Variants in CNNM2 observed in about 807,000 individuals in gnomAD.
The protein encoded by CNNM2 is cyclin and CBS domain divalent metal cation transport mediator 2.
CNNM2 carries 12 observed loss-of-function variants against 66.9 expected under a neutral mutation model. The observed-to-expected ratio is 0.18, with a 90% CI of 0.11 to 0.29. The LOEUF (loss-of-function observed/expected upper bound fraction) is 0.29. Ranked by LOEUF, CNNM2 falls within the 10% of genes least tolerant of loss-of-function variation. The pLI is 1.00. For missense variants in CNNM2, 705 were observed against 1,167.7 expected (o/e 0.60, Z 5.77); for synonymous variants, 557 against 501.8 (o/e 1.11, Z -1.47).
At chr10:103,048,020 C>A (rs1000052820) in intron 1 of CNNM2, among the ~76,000 whole-genome samples, 1 of 151,858 alleles carries the variant, frequency 6.6e-6, no homozygotes, top group African/African-American at 2.4e-5. Flanking sequence ...CTCCTGGGTT[C>A]AAGCCATTCT....
chr10:102,955,583 A>C (rs1051592769), intron 1 of CNNM2, among the ~76,000 whole-genome samples: 5 of 152,250 alleles, frequency 3.3e-5, no homozygotes, highest in African/African-American at 1.2e-4. Context: ...CAGAGTGAAC[A>C]GGCAACCTAC....
intron 1 of CNNM2, among the ~76,000 whole-genome samples, chr10:102,974,789 G>C (rs1193708810): frequency 6.6e-6 from 1 of 152,080 alleles, no homozygotes; most frequent in Non-Finnish European, 1.5e-5. Flanking sequence ...CTCCCGCCTT[G>C]GCCTCCCAAA....
In CNNM2 at chr10:102,918,592, C is replaced by G. The variant is rs1480720023; in HGVS notation, c.112C>G (p.Arg38Gly). 2 of 1,567,014 alleles carry G rather than the reference C, an allele frequency of 1.3e-6. No homozygotes were observed. Among genetic ancestry groups the G allele is most frequent in the African/African-American group, 1.4e-5 (1 of 72,008 alleles). Residue 38 changes from arginine to glycine, a missense_variant, in exon 1 of 8, where the codon CGG (arginine) becomes GGG (glycine). By Grantham distance (125) the Arg-to-Gly change is moderately radical. This residue lies in a region of CNNM2 where 98 missense variants were observed against 73.6 expected (regional missense o/e 1.33). Transcript: ENST00000369878. This position sits in a 1 kb window ranked among gnomAD's most constrained non-coding sequence, Gnocchi z 4.1. ...AARRSLSARG[R>G]GILQAAAGRL... ...GCGCCGCAGCCTCAGCGCTCGCGGC[C>G]GGGGGATCCTGCAGGCGGCTGCGGG...
intron 1 of CNNM2, among the ~76,000 whole-genome samples, chr10:102,944,116 C>T (rs1046557063): frequency 1.5e-5 from 2 of 136,920 alleles, no homozygotes; most frequent in Non-Finnish European, 3.1e-5. Flanking sequence ...TGGAGTCTTG[C>T]TTTGTCGCCC....
chr10:102,974,984 C>T (rs1006936084), intron 1 of CNNM2, among the ~76,000 whole-genome samples: 2 of 151,998 alleles, frequency 1.3e-5, no homozygotes, highest in African/African-American at 4.8e-5. Flanking sequence ...CATGGGAAGC[C>T]CATAATTAGC....
chr10:102,930,162 A>G (rs1846017734), intron 1 of CNNM2, among the ~76,000 whole-genome samples: 2 of 152,180 alleles, frequency 1.3e-5, no homozygotes, highest in Admixed American at 1.3e-4. Flanking sequence ...TGGAGGAGAA[A>G]GAGTTAAGAA....
rs573469494 is a variant in CNNM2 at position 102,981,566 on chromosome 10, T to C, written c.1621+61465T>C. Among the ~76,000 whole-genome samples, 607 of 139,534 alleles carry C rather than the reference T, an allele frequency of 4.4e-3. 2 individuals carry two copies. The highest frequency in any genetic ancestry group is 5.7e-3 in the Non-Finnish European group (372 of 65,166). 91.5% of individuals were successfully genotyped at this position (139,534 alleles called of 152,430 possible). A position where few individuals can be genotyped will look rare whatever the true frequency, so the allele number is the denominator to read the frequency against. ...CCACCACACCCGGCTAACTTTGGTA[T>C]TTTTTTTTTTTAAGTCAAGGTTCGC... On this transcript the variant is annotated intron_variant, in intron 1 of 7. Transcript: ENST00000369878.
intron 1 of CNNM2, among the ~76,000 whole-genome samples, chr10:102,960,947 G>A (rs562006811): frequency 1.3e-5 from 2 of 150,834 alleles, no homozygotes; most frequent in Non-Finnish European, 2.9e-5. Flanking sequence ...AGGCTGGAGT[G>A]CAATGGTGAG....
Position 102,919,006 on chromosome 10 carries a change from G to C in CNNM2, c.526G>C (p.Glu176Gln). The change falls in exon 1 of 8, where the codon GAG becomes CAG. Residue 176 changes from glutamate (E) to glutamine (Q), a missense_variant. Transcript: ENST00000369878. ...CCGCACCTCGGGCATCATCGAGATC[G>C]AGATCAAACCGCTACGCAAGATGGA... ...NRRTSGIIEI[E>Q]IKPLRKMEKS... 1 of 1,612,822 alleles carries C rather than the reference G, an allele frequency of 6.2e-7. No homozygotes were observed. Among genetic ancestry groups the C allele is most frequent in the South Asian group, 1.1e-5 (1 of 91,076 alleles).
At chr10:103,065,941 T>C (rs756668037) in intron 4 of CNNM2, among the ~76,000 whole-genome samples, 10 of 152,190 alleles carry the variant, frequency 6.6e-5, no homozygotes, top group Non-Finnish European at 1.2e-4. Context: ...GTCCTGAATT[T>C]TCAACAGCCT....
intron 1 of CNNM2, among the ~76,000 whole-genome samples, chr10:103,018,574 T>C (rs1226758101): frequency 6.6e-6 from 1 of 152,016 alleles, no homozygotes. Flanking sequence ...TCAAGAGTGC[T>C]CTGATTTTTA....
rs2134377611 is a variant in CNNM2, at chr10:103,081,052, G to A, written c.*3872G>A. 1 of 152,258 alleles carries A rather than the reference G, an allele frequency of 6.6e-6. No homozygotes were observed. Among genetic ancestry groups the A allele is most frequent in the Admixed American group, 6.5e-5 (1 of 15,302 alleles). 9.4% of individuals were successfully genotyped at this position (152,258 alleles called of 1,614,324 possible). On this transcript the variant is annotated 3_prime_UTR_variant, in exon 8 of 8. Coordinates refer to ENST00000369878, the MANE Select transcript of CNNM2 (RefSeq NM_017649.5). ...CTGTGGTTCCCCAGGGGTGATCCTAGGCAGATGACTCACCCGGGCTGGCAC... is the reference window on the plus strand; with the variant it reads ...CTGTGGTTCCCCAGGGGTGATCCTAAGCAGATGACTCACCCGGGCTGGCAC...
At chr10:103,047,608 C>CT (rs1255038568) in intron 1 of CNNM2, among the ~76,000 whole-genome samples, 1 of 152,198 alleles carries the variant, frequency 6.6e-6, no homozygotes, top group Non-Finnish European at 1.5e-5. Context: ...TATAGGAACT[C>CT]TCTGTACTCT....
Position 103,076,187 on chromosome 10 carries a change from A to G in CNNM2, c.2335A>G (p.Asn779Asp). ...CGTCACACCAACACTGGGGAGCAGC[A>G]ATAACCAGCTCAATTCTTCGCTCCT... is the stretch of plus-strand genomic sequence containing the variant. The part of the protein sequence containing the change: ...DAVTPTLGSS[N>D]NQLNSSLLQV... Residue 779 changes from asparagine to aspartate, a missense_variant, in exon 7 of 8, where the codon AAT (asparagine) becomes GAT (aspartate). Around this residue, in one of 9 missense-constraint regions of CNNM2, gnomAD observed 194 missense variants for 227.6 expected, o/e 0.85. Transcript: ENST00000369878. 2 of 1,601,024 alleles carry G rather than the reference A, an allele frequency of 1.2e-6. No homozygotes were observed. The highest frequency in any genetic ancestry group is 1.7e-6 in the Non-Finnish European group (2 of 1,173,804).
intron 1 of CNNM2, among the ~76,000 whole-genome samples, chr10:102,948,644 G>A (rs943017662): frequency 1.3e-5 from 2 of 152,212 alleles, no homozygotes; most frequent in African/African-American, 4.8e-5. Context: ...TGTCCTTGAA[G>A]TATTGGGGGT....
At position 102,936,321 on chromosome 10, in the gene CNNM2, A is replaced by G. The variant is rs79470463; in HGVS notation, c.1621+16220A>G. 1.2e-3 allele frequency among the ~76,000 whole-genome samples: 179 copies of G among 152,326 alleles called. 1 individual carries two copies. The highest frequency in any genetic ancestry group is 4.1e-3 in the African/African-American group (172 of 41,566). ...ATAGCATGCTTTCTTATCTCTTTCAAGATTATTTCCTTTAGTCACTAGTGT... is the reference window on the plus strand; with the variant it reads ...ATAGCATGCTTTCTTATCTCTTTCAGGATTATTTCCTTTAGTCACTAGTGT... On this transcript the variant is annotated intron_variant, in intron 1 of 7. Coordinates refer to ENST00000369878, the MANE Select transcript of CNNM2 (RefSeq NM_017649.5).
intron 1 of CNNM2, among the ~76,000 whole-genome samples, chr10:102,951,257 C>G (rs1445034893): frequency 6.6e-6 from 1 of 151,728 alleles, no homozygotes; most frequent in African/African-American, 2.4e-5. Flanking sequence ...AGTGTAGTGG[C>G]GCAGTCTTGG....
chr10:102,924,247 A>G (rs944591683), intron 1 of CNNM2, among the ~76,000 whole-genome samples: 4 of 152,214 alleles, frequency 2.6e-5, no homozygotes, highest in African/African-American at 9.6e-5. Flanking sequence ...ACCTGACAAA[A>G]CCGTCCTCAC....
chr10:103,032,777 C>T (rs113313506), intron 1 of CNNM2, among the ~76,000 whole-genome samples: 194 of 149,920 alleles, frequency 1.3e-3, no homozygotes, highest in African/African-American at 4.3e-3. Flanking sequence ...ATTTACTTAA[C>T]GGGGCTTTAT....
Sources: gnomAD v4.1 joint callset for allele counts (sites outside exome capture counted in the v4.1 genomes callset) on GRCh38, gnomAD v4.1.1 for gene constraint, gnomAD v4.1.1 regional missense constraint, Gnocchi (gnomAD v3.1) non-coding constraint, MANE v1.5 for transcripts, NCBI Gene and HGNC (gene_info 2026-07-23, HGNC 2026-07-21) for gene names.